Variants in GLIS1 observed in about 807,000 individuals in gnomAD.
GLIS1 encodes the protein GLIS family zinc finger 1.
Under a neutral mutation model 63.8 loss-of-function variants are expected in GLIS1, and 24 were observed. That is an observed-to-expected ratio of 0.38 (90% CI 0.27 to 0.53). GLIS1 has a LOEUF of 0.53. Ranked by LOEUF, GLIS1 falls within the 20% of genes least tolerant of loss-of-function variation. The pLI, the probability that GLIS1 is intolerant of heterozygous loss-of-function variation, is 0.85. For missense variants in GLIS1, 1,036 were observed against 1,074.1 expected (o/e 0.96, Z 0.50); for synonymous variants, 450 against 482.5 (o/e 0.93, Z 0.88).
intron 2 of GLIS1, among the ~76,000 whole-genome samples, chr1:53,608,014 T>C (rs1030903673): frequency 6.8e-6 from 1 of 147,854 alleles, no homozygotes; most frequent in African/African-American, 2.5e-5. Context: ...CAGGCTGGAG[T>C]GCAGTGGTGC....
intron 4 of GLIS1, among the ~76,000 whole-genome samples, chr1:53,531,781 T>C (rs1644533570): frequency 1.3e-5 from 2 of 152,182 alleles, no homozygotes; most frequent in Non-Finnish European, 2.9e-5. Context: ...ACGGGCTTGA[T>C]GACTGTAGCG....
At chr1:53,576,677 C>A (rs1645034950) in intron 4 of GLIS1, among the ~76,000 whole-genome samples, 1 of 152,174 alleles carries the variant, frequency 6.6e-6, no homozygotes, top group Non-Finnish European at 1.5e-5. Flanking sequence ...TGGATTCCAG[C>A]TGCTAAGAAG....
chr1:53,603,417 G>T (rs546802145), intron 2 of GLIS1, among the ~76,000 whole-genome samples: 23 of 152,336 alleles, frequency 1.5e-4, no homozygotes, highest in African/African-American at 5.1e-4. Context: ...CGGGATACCT[G>T]CTGTCTCAGA....
Position 53,521,772 on chromosome 1 carries a change from C to T in GLIS1, c.1594-1006G>A, listed in dbSNP as rs1425671559. Among the ~76,000 whole-genome samples, 3 of 152,254 alleles carry T rather than the reference C, an allele frequency of 2.0e-5. No homozygotes were observed. The East Asian group carries it at 5.8e-4, about 29-fold the overall frequency. On this transcript the variant is annotated intron_variant, in intron 6 of 10. Transcript: ENST00000628545. ...CCAACAACCCTTGGCTGTCCCCAGA[C>T]AGTCACCTCAGAACATCTTCCAGAG...
chr1:53,711,083 T>A (rs1400193293), intron 2 of GLIS1, among the ~76,000 whole-genome samples: 1 of 151,934 alleles, frequency 6.6e-6, no homozygotes, highest in Non-Finnish European at 1.5e-5. Flanking sequence ...CACTGGTGGG[T>A]CCAAGGCTGA....
At chr1:53,520,158 C>T (rs1644391506) in intron 7 of GLIS1, among the ~76,000 whole-genome samples, 1 of 152,096 alleles carries the variant, frequency 6.6e-6, no homozygotes, top group Non-Finnish European at 1.5e-5. Flanking sequence ...GGAAGACTTC[C>T]TGGAGGAGGG....
At chr1:53,525,868 C>T (rs1210371694) in intron 5 of GLIS1, among the ~76,000 whole-genome samples, 2 of 152,138 alleles carry the variant, frequency 1.3e-5, no homozygotes, top group Non-Finnish European at 2.9e-5. Context: ...TCCCCCTAAG[C>T]GCTGTCCAGC....
rs918573552 is a variant in GLIS1 at position 53,678,495 on chromosome 1, C to A, written c.259+59311G>T. On this transcript the variant is annotated intron_variant, in intron 2 of 10. Coordinates refer to ENST00000628545, the MANE Select transcript of GLIS1 (RefSeq NM_001367484.1). ...CAGGTCTCTGGACTCCTAGCACCAA[C>A]AATATTTTCTAATTCACATTAATGA... 3.9e-5 allele frequency among the ~76,000 whole-genome samples: 6 copies of A among 152,010 alleles called. No homozygotes were observed. In the East Asian group the frequency reaches 1.2e-3, roughly 29 times the overall value.
intron 2 of GLIS1, among the ~76,000 whole-genome samples, chr1:53,696,162 G>A (rs974594649): frequency 3.3e-5 from 5 of 152,240 alleles, no homozygotes; most frequent in Admixed American, 6.5e-5. Flanking sequence ...TGCTTTGCTC[G>A]GCACAGGCCT....
At chr1:53,512,926 G>A (rs550571359) in intron 8 of GLIS1, among the ~76,000 whole-genome samples, 22 of 152,306 alleles carry the variant, frequency 1.4e-4, no homozygotes, top group Admixed American at 5.9e-4. Context: ...AGTAGAGCCT[G>A]TGCCAGGTGA....
chr1:53,657,598 G>A (rs182413095), intron 2 of GLIS1, among the ~76,000 whole-genome samples: 2 of 152,236 alleles, frequency 1.3e-5, no homozygotes, highest in African/African-American at 4.8e-5. Flanking sequence ...CCTGCCGGAC[G>A]CATCCACAAG....
chr1:53,560,521 G>A lies in GLIS1; in HGVS notation c.1321-30569C>T, dbSNP rs565062041. Among the ~76,000 whole-genome samples the A allele has an allele frequency of 2.0e-5, 3 of 152,226 alleles. No homozygotes were observed. The South Asian group carries it at 6.2e-4, about 31-fold the overall frequency. On this transcript the variant is annotated intron_variant, in intron 4 of 10. Transcript: ENST00000628545. This position sits in a 1 kb window ranked among gnomAD's most constrained non-coding sequence, Gnocchi z 4.4. Reference sequence around the variant, plus strand: ...CCTGGTGCCCACCAGTTAACCCTTCGTACCTTCCAGGGAGAGTGGAGGCTG... The same window carrying A: ...CCTGGTGCCCACCAGTTAACCCTTCATACCTTCCAGGGAGAGTGGAGGCTG...
At chr1:53,629,477 C>A (rs926889358) in intron 2 of GLIS1, among the ~76,000 whole-genome samples, 2 of 152,222 alleles carry the variant, frequency 1.3e-5, no homozygotes, top group African/African-American at 2.4e-5. Flanking sequence ...TAGAAATGAA[C>A]AGCATGAGAT....
intron 10 of GLIS1, 138 bp from the exon 11 acceptor site, chr1:53,506,914 C>T: frequency 2.2e-6 from 2 of 891,790 alleles, no homozygotes; most frequent in African/African-American, 1.7e-5. Flanking sequence ...GCTTGGAGCC[C>T]CCAACTTTTC....
intron 2 of GLIS1, among the ~76,000 whole-genome samples, chr1:53,627,833 G>C (rs4927020): frequency 0.22 from 33,182 of 152,032 alleles, 3,838 homozygotes; most frequent in East Asian, 0.39. Flanking sequence ...GGCTTGGCAT[G>C]ACTTGTTTTA....
chr1:53,626,853 T>C (rs1645599605), intron 2 of GLIS1, among the ~76,000 whole-genome samples: 1 of 152,272 alleles, frequency 6.6e-6, no homozygotes, highest in African/African-American at 2.4e-5. Context: ...CCCTGCATCC[T>C]GCATCCAACC....
chr1:53,697,076 G>T (rs1646472990), intron 2 of GLIS1, among the ~76,000 whole-genome samples: 1 of 152,212 alleles, frequency 6.6e-6, no homozygotes, highest in Non-Finnish European at 1.5e-5. Context: ...AACCACTGAG[G>T]ACTACTTCTC....
intron 2 of GLIS1, among the ~76,000 whole-genome samples, chr1:53,736,463 A>G (rs1395271620): frequency 6.6e-6 from 1 of 152,024 alleles, no homozygotes; most frequent in Non-Finnish European, 1.5e-5. Flanking sequence ...TTAAGGGAGG[A>G]TTGTGTATGG....
At chr1:53,649,979 A>C (rs1364053174) in intron 2 of GLIS1, among the ~76,000 whole-genome samples, 1 of 152,184 alleles carries the variant, frequency 6.6e-6, no homozygotes, top group African/African-American at 2.4e-5. Flanking sequence ...TGTGCTGTTC[A>C]AGGGTCAACT....
Sources: allele counts gnomAD v4.1 joint callset (sites outside exome capture counted in the v4.1 genomes callset), GRCh38; gene constraint gnomAD v4.1.1; non-coding constraint Gnocchi (gnomAD v3.1); transcripts MANE v1.5; gene names NCBI Gene and HGNC (gene_info 2026-07-23, HGNC 2026-07-21).